SYT5: variants seen among roughly 807,000 people sequenced by gnomAD.
The protein encoded by SYT5 is synaptotagmin-5.
SYT5 carries 29 observed loss-of-function variants against 36.0 expected under a neutral mutation model. That is an observed-to-expected ratio of 0.81 (90% CI 0.60 to 1.10). The LOEUF is 1.10. Among genes scored for constraint, SYT5 ranks in the 50% least tolerant of loss-of-function variants. The pLI, the probability that SYT5 is intolerant of heterozygous loss-of-function variation, is 0.00. For synonymous variants in SYT5, 231 were observed against 227.6 expected, an observed-to-expected ratio of 1.02 and a Z score of -0.14; for missense variants, 512 against 516.0, an observed-to-expected ratio of 0.99 and a Z score of 0.08.
intron 7 of SYT5, 34 bp from the exon 8 acceptor site, chr19:55,174,684 C>G: frequency 6.2e-7 from 1 of 1,613,622 alleles, no homozygotes; most frequent in Non-Finnish European, 8.5e-7. Flanking sequence ...TATAGCTCCC[C>G]ACTGCTGGGT....
rs3786866 is a variant in SYT5 at position 55,172,856 on chromosome 19, G to A, written c.*628C>T. 0.46 allele frequency: 69,366 copies of A among 152,140 alleles called. 18,775 individuals are homozygous for A. Among genetic ancestry groups the A allele is most frequent in the African/African-American group, 0.75 (31,188 of 41,456 alleles). 9.4% of individuals were successfully genotyped at this position (152,140 alleles called of 1,614,324 possible). The stretch of plus-strand genomic sequence containing the variant: ...AGTTCTCGCGGACTCCTCACAGCCA[G>A]CGTGTGGCAGGAATTATTATTATCC... On this transcript the variant is annotated 3_prime_UTR_variant, in exon 9 of 9. Transcript: ENST00000354308.
At position 55,172,524 on chromosome 19, in the gene SYT5, G is replaced by T. The variant is rs1396859891; in HGVS notation, c.*960C>A. ...AGAAAACAAAAAGGAAAAAAGAAAA[G>T]AAAAAAGAAAGAGGTGAAGTTGAAA... is the stretch of plus-strand genomic sequence containing the variant. On this transcript the variant is annotated 3_prime_UTR_variant, in exon 9 of 9. Coordinates refer to ENST00000354308, the MANE Select transcript of SYT5 (RefSeq NM_003180.3). 1 of 151,886 alleles carries T rather than the reference G, an allele frequency of 6.6e-6. No homozygotes were observed. Among genetic ancestry groups the T allele is most frequent in the Non-Finnish European group, 1.5e-5 (1 of 67,960 alleles). The allele number at this position is 151,886 out of a possible 1,614,324, so 9.4% of individuals were successfully genotyped here.
At position 55,173,510 on chromosome 19, in the gene SYT5, G is replaced by C; in HGVS notation, c.1135C>G (p.Arg379Gly). The change falls in exon 9 of 9, where the codon CGA becomes GGA. Residue 379 changes from arginine (R) to glycine (G), a missense_variant. Transcript: ENST00000354308. This position sits in a 1 kb window ranked among gnomAD's most constrained non-coding sequence, Gnocchi z 5.4. Reference protein sequence around the residue: ...AQWHSLRPPDRVRLLPAP With the variant: ...AQWHSLRPPDGVRLLPAP ...CAGGGCGCAGGCAGCAGCCTCACTC[G>C]GTCCGGGGGCCGCAGCGAGTGCCAC... is the stretch of plus-strand genomic sequence containing the variant. 3 of 1,382,402 alleles carry C rather than the reference G, an allele frequency of 2.2e-6. No individual in the cohort carries two copies. The highest frequency in any genetic ancestry group is 1.9e-6 in the Non-Finnish European group (2 of 1,066,686). The allele number at this position is 1,382,402 out of a possible 1,614,324, so 85.6% of individuals were successfully genotyped here.
In SYT5 at chr19:55,175,490, G is replaced by A; in HGVS notation, c.541-151C>T. ...ATGGGAAAGTCCAGGGATCCATGCG[G>A]AAAAAAATCACGGGTCAGTGGAACC... On this transcript the variant is annotated intron_variant, in intron 5 of 8. Transcript: ENST00000354308. The surrounding 1 kb of genome is among the most constrained non-coding windows in gnomAD (Gnocchi z 4.5). 2 of 1,132,392 alleles carry A rather than the reference G, an allele frequency of 1.8e-6. No homozygotes were observed. Among genetic ancestry groups the A allele is most frequent in the Non-Finnish European group, 2.4e-6 (2 of 820,028 alleles). 70.1% of individuals were successfully genotyped at this position (1,132,392 alleles called of 1,614,324 possible).
rs745869510 is a variant in SYT5, at chr19:55,179,033, C to A, written c.9G>T (p.Pro3=). Residue 3 remains proline, a synonymous_variant, in exon 2 of 9, where the codon CCG becomes CCT. Coordinates refer to ENST00000354308, the MANE Select transcript of SYT5 (RefSeq NM_003180.3). This position sits in a 1 kb window ranked among gnomAD's most constrained non-coding sequence, Gnocchi z 4.5. The part of the protein sequence containing the change: MF[P]EPPTPGPPSP... ...ATGGAGGCCCCGGGGTTGGGGGCTCCGGGAACATGGTGGCGGGGTCCTGGA... is the reference window on the plus strand; with the variant it reads ...ATGGAGGCCCCGGGGTTGGGGGCTCAGGGAACATGGTGGCGGGGTCCTGGA... 5 of 1,605,280 alleles carry A rather than the reference C, an allele frequency of 3.1e-6. No individual in the cohort carries two copies. The highest frequency in any genetic ancestry group is 2.3e-5 in the East Asian group (1 of 44,050).
intron 8 of SYT5, 135 bp downstream of exon 8, chr19:55,174,382 G>A: frequency 1.6e-6 from 2 of 1,232,218 alleles, no homozygotes; most frequent in East Asian, 2.3e-5. Context: ...GGTCCTCATA[G>A]GAGGAAACAG....
chr19:55,177,924 A>G (rs2086094443), intron 3 of SYT5, among the ~76,000 whole-genome samples: 1 of 152,118 alleles, frequency 6.6e-6, no homozygotes, highest in Non-Finnish European at 1.5e-5. Context: ...CTCCTATGAG[A>G]CCCTGTAGTA....
intron 3 of SYT5, chr19:55,177,058 A>G (rs951034024): frequency 2.0e-5 from 3 of 152,460 alleles, no homozygotes; most frequent in Admixed American, 6.5e-5. Context: ...GCCTCATCCA[A>G]TGCAAATGTC....
Position 55,173,580 on chromosome 19 carries a change from C to A in SYT5, c.1065G>T (p.Arg355=). 2 of 1,475,792 alleles carry A rather than the reference C, an allele frequency of 1.4e-6. No individual in the cohort carries two copies. The highest frequency in any genetic ancestry group is 1.8e-6 in the Non-Finnish European group (2 of 1,114,422). The allele number at this position is 1,475,792 out of a possible 1,614,324, so 91.4% of individuals were successfully genotyped here. The change falls in exon 9 of 9, where the codon CGG becomes CGT. Residue 355 remains arginine, a synonymous_variant. Transcript: ENST00000354308. This position sits in a 1 kb window ranked among gnomAD's most constrained non-coding sequence, Gnocchi z 5.4. Reference sequence around the variant, plus strand: ...GGTTGGCCAGCATGTCCGCCCAGTGCCGCAGGCCAGCCCCGCCGGCGGCCG... The same window carrying A: ...GGTTGGCCAGCATGTCCGCCCAGTGACGCAGGCCAGCCCCGCCGGCGGCCG... ...VGAAAGGAGL[R]HWADMLANPR...
chr19:55,178,976 G>A lies in SYT5; in HGVS notation c.66C>T (p.Ile22=), dbSNP rs774246713. The A allele has an allele frequency of 3.2e-6, 5 of 1,569,530 alleles. No homozygotes were observed. Among genetic ancestry groups the A allele is most frequent in the Non-Finnish European group, 4.3e-6 (5 of 1,158,204 alleles). ...GGTCTTGCTCACCTGGGCCGTGGCTGATGCGACTGGAGTCGGGAGGCGTGT... is the reference window on the plus strand; with the variant it reads ...GGTCTTGCTCACCTGGGCCGTGGCTAATGCGACTGGAGTCGGGAGGCGTGT... ...SPDTPPDSSR[I]SHGPVPPWAL... is the part of the protein sequence containing the mutation. The change falls in exon 2 of 9, where the codon ATC becomes ATT. Residue 22 remains isoleucine, a synonymous_variant. Transcript: ENST00000354308.
Position 55,178,946 on chromosome 19 carries a change from C to A in SYT5, c.79+17G>T, listed in dbSNP as rs758074407. On this transcript the variant is annotated intron_variant, in intron 2 of 8. Coordinates refer to ENST00000354308, the MANE Select transcript of SYT5 (RefSeq NM_003180.3). ...GCTTTCTCTCTGCTCGGCCCCCCAC[C>A]CCCGGGTCTTGCTCACCTGGGCCGT... is the stretch of plus-strand genomic sequence containing the variant. The A allele has an allele frequency of 6.7e-7, 1 of 1,491,638 alleles. No individual in the cohort carries two copies. The highest frequency in any genetic ancestry group is 1.4e-5 in the South Asian group (1 of 72,632). The allele number at this position is 1,491,638 out of a possible 1,614,324, so 92.4% of individuals were successfully genotyped here. A position where few individuals can be genotyped will look rare whatever the true frequency, so the allele number is the denominator to read the frequency against.
chr19:55,178,873 C>G (rs2086109590), intron 2 of SYT5, 90 bp downstream of exon 2: 2 of 1,326,446 alleles, frequency 1.5e-6, no homozygotes, highest in Admixed American at 7.7e-5. Context: ...TCCAGCCCGC[C>G]TGCCCGAGTA....
At position 55,175,126 on chromosome 19, in the gene SYT5, G is replaced by A. The variant is rs1288333319; in HGVS notation, c.708+46C>T. On this transcript the variant is annotated intron_variant, in intron 6 of 8. Transcript: ENST00000354308. The surrounding 1 kb of genome is among the most constrained non-coding windows in gnomAD (Gnocchi z 4.5). The stretch of plus-strand genomic sequence containing the variant: ...GATTGGCTCAGGATGTTGTGGGCGG[G>A]ACTGGGCCTGGGGGCGTGGCTCGGG... 6.3e-7 allele frequency: 1 copy of A among 1,578,592 alleles called. No homozygotes were observed. Among genetic ancestry groups the A allele is most frequent in the Non-Finnish European group, 8.6e-7 (1 of 1,166,916 alleles).
In SYT5 at chr19:55,175,218, C is replaced by G; in HGVS notation, c.662G>C (p.Arg221Pro). ...CAGCTCCCGCCAGGCCTGCACTGGC[C>G]GCCCCAGGTCCACGGAGCTCATAGG... ...RVPMSSVDLG[R>P]PVQAWRELQA... Residue 221 changes from arginine (R) to proline (P), a missense_variant, in exon 6 of 9, where the codon CGG becomes CCG. Coordinates refer to ENST00000354308, the MANE Select transcript of SYT5 (RefSeq NM_003180.3). The surrounding 1 kb of genome is among the most constrained non-coding windows in gnomAD (Gnocchi z 4.5). The G allele has an allele frequency of 6.2e-7, 1 of 1,610,910 alleles. No homozygotes were observed. Among genetic ancestry groups the G allele is most frequent in the African/African-American group, 1.3e-5 (1 of 74,918 alleles).
intron 3 of SYT5, among the ~76,000 whole-genome samples, chr19:55,176,678 C>T (rs1026902629): frequency 6.6e-6 from 1 of 152,184 alleles, no homozygotes; most frequent in Non-Finnish European, 1.5e-5. Context: ...GGGATTCTGA[C>T]TTGATAGGTC....
rs1432975676 is a variant in SYT5, at chr19:55,172,584, C to G, written c.*900G>C. ...TTCCTTGCTGAACTCCAACCTCTCT[C>G]GCAGGCTCTGGAGATTGTATTCCCT... On this transcript the variant is annotated 3_prime_UTR_variant, in exon 9 of 9. Coordinates refer to ENST00000354308, the MANE Select transcript of SYT5 (RefSeq NM_003180.3). 6.6e-6 allele frequency: 1 copy of G among 152,160 alleles called. No homozygotes were observed. Among genetic ancestry groups the G allele is most frequent in the African/African-American group, 2.4e-5 (1 of 41,414 alleles). 9.4% of individuals were successfully genotyped at this position (152,160 alleles called of 1,614,324 possible).
chr19:55,176,912 T>G (rs11878238), intron 3 of SYT5, among the ~76,000 whole-genome samples: 4,065 of 152,198 alleles, frequency 0.027, 175 homozygotes, highest in African/African-American at 0.093. Context: ...GACAGTGAGT[T>G]CTCCAAGGTC....
At position 55,178,314 on chromosome 19, in the gene SYT5, C is replaced by T. The variant is rs950834783; in HGVS notation, c.134G>A (p.Ser45Asn). 1.2e-6 allele frequency: 2 copies of T among 1,612,042 alleles called. No individual in the cohort carries two copies. Among genetic ancestry groups the T allele is most frequent in the Non-Finnish European group, 1.7e-6 (2 of 1,179,456 alleles). ...IVLVSGLLIF[S>N]CCFCLYRKSC... ...CTTCCGGTAGAGACAGAAACAGCAGCTGAAGATGAGGAGGCCTGAGACCAG... is the reference window on the plus strand; with the variant it reads ...CTTCCGGTAGAGACAGAAACAGCAGTTGAAGATGAGGAGGCCTGAGACCAG... Residue 45 changes from serine (S) to asparagine (N), a missense_variant, in exon 3 of 9, where the codon AGC (serine) becomes AAC (asparagine). Coordinates refer to ENST00000354308, the MANE Select transcript of SYT5 (RefSeq NM_003180.3).
rs1407278821 is a variant in SYT5 at position 55,175,199 on chromosome 19, C to G, written c.681G>C (p.Arg227=). The G allele has an allele frequency of 2.3e-5, 37 of 1,608,174 alleles. No individual in the cohort carries two copies. Among genetic ancestry groups the G allele is most frequent in the Non-Finnish European group, 2.9e-5 (34 of 1,177,752 alleles). ...CCTCCCGCGGAGCCGCCTGCAGCTC[C>G]CGCCAGGCCTGCACTGGCCGCCCCA... is the stretch of plus-strand genomic sequence containing the variant. The part of the protein sequence containing the change: ...VDLGRPVQAW[R]ELQAAPREEQ... The change falls in exon 6 of 9, where the codon CGG becomes CGC. Residue 227 remains arginine (R), a synonymous_variant. Transcript: ENST00000354308. This position sits in a 1 kb window ranked among gnomAD's most constrained non-coding sequence, Gnocchi z 4.5.
Sources: gnomAD v4.1 joint callset for allele counts (sites outside exome capture counted in the v4.1 genomes callset) on GRCh38, gnomAD v4.1.1 for gene constraint, Gnocchi (gnomAD v3.1) non-coding constraint, MANE v1.5 for transcripts, NCBI Gene and HGNC (gene_info 2026-07-23, HGNC 2026-07-21) for gene names.